Variants in HYDIN observed in about 807,000 individuals in gnomAD.
HYDIN encodes the protein HYDIN axonemal central pair apparatus protein, also known as axonemal central pair apparatus protein HYDIN.
HYDIN carries 132 observed loss-of-function variants against 403.9 expected under a neutral mutation model. That is an observed-to-expected ratio of 0.33 (90% CI 0.28 to 0.38). The LOEUF (loss-of-function observed/expected upper bound fraction) is 0.38, where lower values mean the gene tolerates loss of function less well. Among genes scored for constraint, HYDIN ranks in the 10% least tolerant of loss-of-function variants. The pLI is 1.00. For missense variants in HYDIN, 2,827 were observed against 5,009.5 expected (o/e 0.56, Z 13.15); for synonymous variants, 1,202 against 1,891.7 (o/e 0.64, Z 9.46).
chr16:71,191,504 A>G (rs1230814294), intron 1 of HYDIN, among the ~76,000 whole-genome samples: 2 of 152,200 alleles, frequency 1.3e-5, no homozygotes, highest in Non-Finnish European at 2.9e-5. Flanking sequence ...AGGCTGTTAT[A>G]ACCAGCAAAA....
intron 45 of HYDIN, among the ~76,000 whole-genome samples, chr16:70,931,807 G>A (rs1305307229): frequency 7.9e-5 from 12 of 151,938 alleles, no homozygotes. Flanking sequence ...TTGAGGTCAG[G>A]AGTTCAAGAC....
chr16:71,021,775 T>C (rs2080505097), intron 21 of HYDIN, among the ~76,000 whole-genome samples: 1 of 152,172 alleles, frequency 6.6e-6, no homozygotes, highest in African/African-American at 2.4e-5. Context: ...TTCATTTGCC[T>C]TTTCTCTTTG....
intron 1 of HYDIN, among the ~76,000 whole-genome samples, chr16:71,189,617 A>T (rs1025594693): frequency 6.6e-6 from 1 of 152,110 alleles, no homozygotes; most frequent in African/African-American, 2.4e-5. Context: ...AATACAAAAA[A>T]TTAGCTAGGC....
chr16:71,156,275 T>G (rs966405990), intron 6 of HYDIN, among the ~76,000 whole-genome samples: 2 of 152,194 alleles, frequency 1.3e-5, no homozygotes, highest in African/African-American at 4.8e-5. Context: ...TTACACAAAC[T>G]TCTTCAGTAG....
Position 70,921,030 on chromosome 16 carries a change from G to C in HYDIN, c.7346C>G (p.Pro2449Arg). The change falls in exon 46 of 86, where the codon CCC becomes CGC. Residue 2449 changes from proline (P) to arginine (R), a missense_variant. Coordinates refer to ENST00000393567, the MANE Select transcript of HYDIN (RefSeq NM_001270974.2). ...AAACTTCGGGGCCAGTTGCTTGTCG[G>C]GGTCCTTTGAGTTGTCCCCTTCACT... ...EDSEGDNSKDPDKQLAPKFKT... is the reference protein window; with the variant it reads ...EDSEGDNSKDRDKQLAPKFKT... The C allele has an allele frequency of 6.2e-7, 1 of 1,607,564 alleles. No homozygotes were observed. Among genetic ancestry groups the C allele is most frequent in the Non-Finnish European group, 8.5e-7 (1 of 1,176,890 alleles).
At chr16:70,866,084 A>G in intron 67 of HYDIN, 85 bp downstream of exon 67, 2 of 697,860 alleles carry the variant, frequency 2.9e-6, no homozygotes, top group Non-Finnish European at 5.0e-6. Context: ...GCTGCTGTAG[A>G]TAATAGACGT....
chr16:70,846,062 G>C (rs1191985250), intron 75 of HYDIN, among the ~76,000 whole-genome samples: 1 of 150,150 alleles, frequency 6.7e-6, no homozygotes, highest in Non-Finnish European at 1.5e-5. Flanking sequence ...TCTGATTTTA[G>C]TTATTTCTTG....
chr16:71,085,714 T>C (rs926220404), intron 12 of HYDIN, among the ~76,000 whole-genome samples: 2 of 152,216 alleles, frequency 1.3e-5, no homozygotes, highest in Non-Finnish European at 2.9e-5. Flanking sequence ...TGCCCTTCTT[T>C]GTCTTGAATA....
chr16:70,805,004 G>A lies in HYDIN; in HGVS notation c.*2576C>T, dbSNP rs1185630693. 1.3e-5 allele frequency among the ~76,000 whole-genome samples: 2 copies of A among 152,182 alleles called. No homozygotes were observed. Among genetic ancestry groups the A allele is most frequent in the East Asian group, 1.9e-4 (1 of 5,200 alleles). On this transcript the variant is annotated 3_prime_UTR_variant, in exon 86 of 86. Transcript: ENST00000393567. Reference sequence around the variant, plus strand: ...TTCTTCCACCTTTTCTTTAGTCTTAGGGATCACTTGGTGTACCACATTGAC... The same window carrying A: ...TTCTTCCACCTTTTCTTTAGTCTTAAGGATCACTTGGTGTACCACATTGAC...
At chr16:71,117,432 G>A (rs1446263535) in intron 9 of HYDIN, among the ~76,000 whole-genome samples, 2 of 151,646 alleles carry the variant, frequency 1.3e-5, no homozygotes, top group East Asian at 3.9e-4. Flanking sequence ...AAGTCATGCA[G>A]GTCAAACACT....
intron 18 of HYDIN, among the ~76,000 whole-genome samples, chr16:71,047,739 A>G (rs996215779): frequency 2.3e-4 from 34 of 148,298 alleles, no homozygotes; most frequent in Non-Finnish European, 4.0e-4. Context: ...ATAATTGTGC[A>G]TATTTATGGA....
chr16:70,895,909 T>C (rs1480427060), intron 54 of HYDIN, 72 bp downstream of exon 54: 17 of 1,495,418 alleles, frequency 1.1e-5, no homozygotes, highest in Non-Finnish European at 1.2e-5. Context: ...ACACTAGCCT[T>C]TCTCTACACA....
chr16:70,902,983 G>T (rs1374464824), intron 52 of HYDIN, among the ~76,000 whole-genome samples: 1 of 141,226 alleles, frequency 7.1e-6, no homozygotes, highest in Non-Finnish European at 1.5e-5. Context: ...TCGAGACAAG[G>T]TTTCACTCTA....
At chr16:71,155,495 AC>A (rs1250448482) in intron 6 of HYDIN, among the ~76,000 whole-genome samples, 3 of 142,324 alleles carry the variant, frequency 2.1e-5, no homozygotes, top group African/African-American at 7.8e-5. Flanking sequence ...TTCTGAAGCC[AC>A]CTCTCACAGC....
At chr16:70,896,206 T>G (rs2076198825) in intron 53 of HYDIN, 126 bp from the exon 54 acceptor site, 1 of 1,039,386 alleles carries the variant, frequency 9.6e-7, no homozygotes, top group African/African-American at 1.7e-5. Flanking sequence ...GTAGGTATTT[T>G]ATCTTCGCCA....
chr16:70,888,343 G>A (rs981583449), intron 58 of HYDIN, among the ~76,000 whole-genome samples: 1 of 152,130 alleles, frequency 6.6e-6, no homozygotes, highest in Non-Finnish European at 1.5e-5. Flanking sequence ...TTCTGTTTGG[G>A]CTGGCTTTCT....
intron 1 of HYDIN, among the ~76,000 whole-genome samples, chr16:71,190,192 T>C (rs1208030721): frequency 5.3e-5 from 8 of 152,110 alleles, no homozygotes; most frequent in African/African-American, 1.9e-4. Flanking sequence ...GAGAAATGGG[T>C]AATTTGAGGA....
intron 1 of HYDIN, among the ~76,000 whole-genome samples, chr16:71,195,196 T>C (rs1010144064): frequency 2.0e-5 from 3 of 152,102 alleles, no homozygotes; most frequent in African/African-American, 7.2e-5. Context: ...AGACTTCACT[T>C]TGCACAGTGC....
intron 1 of HYDIN, among the ~76,000 whole-genome samples, chr16:71,187,525 C>A (rs1190210140): frequency 1.3e-5 from 2 of 152,140 alleles, no homozygotes; most frequent in Non-Finnish European, 2.9e-5. Flanking sequence ...TTCAGAAAAC[C>A]ATCTATGACT....
Sources: allele counts gnomAD v4.1 joint callset (sites outside exome capture counted in the v4.1 genomes callset), GRCh38; gene constraint gnomAD v4.1.1; transcripts MANE v1.5; gene names NCBI Gene and HGNC (gene_info 2026-07-23, HGNC 2026-07-21).